Variants in GNAZ observed in about 807,000 individuals in gnomAD.
The protein encoded by GNAZ is guanine nucleotide-binding protein G(z) subunit alpha.
Under a neutral mutation model 25.4 loss-of-function variants are expected in GNAZ, and 3 were observed. The ratio of observed to expected loss-of-function variants is 0.12; its 90% confidence interval spans 0.05 to 0.30. GNAZ has a LOEUF of 0.30. Ranked by LOEUF, GNAZ falls within the 10% of genes least tolerant of loss-of-function variation. The pLI is 1.00. For missense variants in GNAZ, 241 were observed against 501.8 expected (o/e 0.48, Z 4.97); for synonymous variants, 211 against 205.7 (o/e 1.03, Z -0.22).
intron 2 of GNAZ, among the ~76,000 whole-genome samples, chr22:23,106,718 G>GGCATGCTGGTGCACT (rs1299060998): frequency 6.6e-6 from 1 of 152,242 alleles, no homozygotes; most frequent in Non-Finnish European, 1.5e-5. Flanking sequence ...CCTGGCGCAG[G>GGCATGCTGGTGCACT]GCATGCTGGT....
At chr22:23,107,395 C>T (rs968185314) in intron 2 of GNAZ, among the ~76,000 whole-genome samples, 4 of 152,160 alleles carry the variant, frequency 2.6e-5, no homozygotes, top group Admixed American at 6.5e-5. Context: ...CAGCCCTGTG[C>T]GGGTGGGCAG....
chr22:23,087,873 T>C (rs138131041), intron 1 of GNAZ, among the ~76,000 whole-genome samples: 105 of 152,322 alleles, frequency 6.9e-4, no homozygotes, highest in Non-Finnish European at 7.5e-4. Context: ...AAGAGCAGTT[T>C]AGGGAGGGTC....
intron 1 of GNAZ, among the ~76,000 whole-genome samples, chr22:23,087,663 G>A (rs2068855731): frequency 6.6e-6 from 1 of 152,190 alleles, no homozygotes; most frequent in Non-Finnish European, 1.5e-5. Context: ...GGTGGATGGG[G>A]GGTAGCCAGT....
At chr22:23,089,859 G>C (rs927977151) in intron 1 of GNAZ, among the ~76,000 whole-genome samples, 1 of 152,138 alleles carries the variant, frequency 6.6e-6, no homozygotes, top group Non-Finnish European at 1.5e-5. Flanking sequence ...AGCTCCTTAA[G>C]AGCCTACAGC....
chr22:23,094,308 C>T (rs59064858), intron 1 of GNAZ, among the ~76,000 whole-genome samples: 12 of 152,250 alleles, frequency 7.9e-5, no homozygotes, highest in African/African-American at 2.6e-4. Context: ...AGCTGCCCCT[C>T]GTGTGGGGAG....
In GNAZ at chr22:23,096,156, C is replaced by T; in HGVS notation, c.461C>T (p.Ala154Val). ...SSEYHLEDNA[A>V]YYLNDLERIA... Reference sequence around the variant, plus strand: ...GAGTACCACCTGGAGGACAACGCGGCCTACTACCTGAACGACCTGGAGCGC... The same window carrying T: ...GAGTACCACCTGGAGGACAACGCGGTCTACTACCTGAACGACCTGGAGCGC... The change falls in exon 2 of 3, where the codon GCC (alanine) becomes GTC (valine). Residue 154 changes from alanine to valine, a missense_variant. Ala to Val is a moderately conservative substitution (Grantham distance 64). Transcript: ENST00000615612. The T allele has an allele frequency of 6.2e-7, 1 of 1,613,080 alleles. No homozygotes were observed. The highest frequency in any genetic ancestry group is 8.5e-7 in the Non-Finnish European group (1 of 1,179,928).
chr22:23,089,533 A>C (rs1413698714), intron 1 of GNAZ, among the ~76,000 whole-genome samples: 1 of 152,166 alleles, frequency 6.6e-6, no homozygotes, highest in Non-Finnish European at 1.5e-5. Flanking sequence ...CAGGATGCAA[A>C]GGTCCCAAGA....
Position 23,084,356 on chromosome 22 carries a change from T to A in GNAZ, c.-449-10891T>A, listed in dbSNP as rs143312020. 7.9e-5 allele frequency among the ~76,000 whole-genome samples: 12 copies of A among 152,320 alleles called. No homozygotes were observed. In the East Asian group the frequency reaches 1.9e-3, roughly 24 times the overall value. On this transcript the variant is annotated intron_variant, in intron 1 of 2. Coordinates refer to ENST00000615612, the MANE Select transcript of GNAZ (RefSeq NM_002073.4). ...TTCCACAAGATACGGGTTAGATTCT[T>A]TTGTCTACCTGCAGGCTAATGTAAG...
intron 2 of GNAZ, among the ~76,000 whole-genome samples, chr22:23,118,358 T>C (rs2069910634): frequency 6.6e-6 from 1 of 152,218 alleles, no homozygotes; most frequent in Admixed American, 6.5e-5. Context: ...CCCAGCCTCC[T>C]AGAAGGCGCC....
intron 1 of GNAZ, among the ~76,000 whole-genome samples, chr22:23,078,205 G>A (rs866349022): frequency 1.6e-4 from 24 of 152,338 alleles, no homozygotes; most frequent in Middle Eastern, 3.4e-3. Flanking sequence ...CATATTTCTC[G>A]ATGAAATGCT....
At chr22:23,091,285 C>CAG (rs1041194913) in intron 1 of GNAZ, among the ~76,000 whole-genome samples, 1 of 152,238 alleles carries the variant, frequency 6.6e-6, no homozygotes, top group Non-Finnish European at 1.5e-5. Context: ...TGCACTCTCA[C>CAG]AGACACAAAC....
intron 2 of GNAZ, among the ~76,000 whole-genome samples, chr22:23,118,841 G>A (rs1467612860): frequency 6.6e-6 from 1 of 152,218 alleles, no homozygotes; most frequent in African/African-American, 2.4e-5. Flanking sequence ...ACCCTGCCAG[G>A]CCAGGGAGGG....
At chr22:23,077,284 G>C (rs2068532570) in intron 1 of GNAZ, among the ~76,000 whole-genome samples, 1 of 152,156 alleles carries the variant, frequency 6.6e-6, no homozygotes, top group Admixed American at 6.5e-5. Context: ...TGAGTCCCAT[G>C]AGCAGCTCAG....
intron 1 of GNAZ, among the ~76,000 whole-genome samples, chr22:23,092,887 G>A (rs187594265): frequency 6.6e-6 from 1 of 152,300 alleles, no homozygotes; most frequent in Non-Finnish European, 1.5e-5. Context: ...TGACAACAGA[G>A]GACACCTCCC....
intron 1 of GNAZ, among the ~76,000 whole-genome samples, chr22:23,085,221 A>G (rs2068785769): frequency 6.6e-6 from 1 of 152,064 alleles, no homozygotes; most frequent in African/African-American, 2.4e-5. Flanking sequence ...CTGCCATTCT[A>G]CATTTTTCTC....
At chr22:23,120,495 G>C (rs1051958249) in intron 2 of GNAZ, among the ~76,000 whole-genome samples, 1 of 152,092 alleles carries the variant, frequency 6.6e-6, no homozygotes, top group African/African-American at 2.4e-5. Context: ...AACTGTTTCC[G>C]CATCAGTGAG....
At chr22:23,091,505 C>T (rs758950895) in intron 1 of GNAZ, among the ~76,000 whole-genome samples, 43 of 151,572 alleles carry the variant, frequency 2.8e-4, no homozygotes, top group Non-Finnish European at 4.9e-4. Context: ...GGGACCTATG[C>T]ATACATGCAC....
At chr22:23,112,269 G>A (rs1957262534) in intron 2 of GNAZ, among the ~76,000 whole-genome samples, 1 of 152,226 alleles carries the variant, frequency 6.6e-6, no homozygotes, top group Admixed American at 6.5e-5. Flanking sequence ...GCCCTGCCTG[G>A]GGGTCTCTGG....
intron 2 of GNAZ, among the ~76,000 whole-genome samples, chr22:23,098,815 T>A (rs1321996526): frequency 6.6e-6 from 1 of 152,212 alleles, no homozygotes; most frequent in Non-Finnish European, 1.5e-5. Context: ...GGAGGTGAGC[T>A]GGCCCCCAGA....
Sources: gnomAD v4.1 joint callset for allele counts (sites outside exome capture counted in the v4.1 genomes callset) on GRCh38, gnomAD v4.1.1 for gene constraint, MANE v1.5 for transcripts, NCBI Gene and HGNC (gene_info 2026-07-23, HGNC 2026-07-21) for gene names.